Variants in SYNJ2 observed in about 807,000 individuals in gnomAD.
SYNJ2 encodes the protein polyphosphatidylinositol phosphatase SYNJ2.
Under a neutral mutation model 141.3 loss-of-function variants are expected in SYNJ2, and 116 were observed. The ratio of observed to expected loss-of-function variants is 0.82; its 90% CI spans 0.71 to 0.96. The LOEUF is 0.96. SYNJ2 is among the 40% of genes least tolerant of loss of function. SYNJ2 has a pLI of 0.00. For missense variants in SYNJ2, 1,873 were observed against 1,934.8 expected, an observed-to-expected ratio of 0.97 and a Z score of 0.60; for synonymous variants, 745 against 777.7, an observed-to-expected ratio of 0.96 and a Z score of 0.70.
At chr6:158,001,832 C>G (rs73014148) in intron 1 of SYNJ2, 9,728 of 152,390 alleles carry the variant, frequency 0.064, 487 homozygotes, top group South Asian at 0.22. Flanking sequence ...CCCGCAGTTT[C>G]CCCCTTTCCT....
At chr6:158,042,535 G>A (rs561326628) in intron 4 of SYNJ2, among the ~76,000 whole-genome samples, 6 of 152,362 alleles carry the variant, frequency 3.9e-5, no homozygotes, top group East Asian at 1.9e-4. Flanking sequence ...GATAAGTGTC[G>A]CCGCCTGCCC....
rs1177413758 is a variant in SYNJ2 at position 158,040,946 on chromosome 6, CCTT to C, written c.712-2365_712-2363del. Among the ~76,000 whole-genome samples, 2 of 152,326 alleles carry C rather than the reference CCTT, an allele frequency of 1.3e-5. No homozygotes were observed. The highest frequency in any genetic ancestry group is 2.1e-4 in the South Asian group (1 of 4,830). On this transcript the variant is annotated intron_variant, in intron 4 of 26. Transcript: ENST00000355585. The surrounding 1 kb of genome is among the most constrained non-coding windows in gnomAD (Gnocchi z 4.2). The stretch of plus-strand genomic sequence containing the variant: ...CTTGTCTGTTCCTTCTTGAATCCCT[CCTT>C]CTTCCCACGACCCAAGCTCTCTCCG...
rs375560899 is a variant in SYNJ2, at chr6:158,092,999, G to C, written c.3639G>C (p.Pro1213=). Residue 1213 remains proline (P), a synonymous_variant, in exon 26 of 27, where the codon CCG becomes CCC. Coordinates refer to ENST00000355585, the MANE Select transcript of SYNJ2 (RefSeq NM_003898.4). ...CATCCTCTGAACCAGAGCCCACACC[G>C]GGGGCAGCCAAACCAGAGACCCCAC... is the stretch of plus-strand genomic sequence containing the variant. ...LEASSEPEPT[P]GAAKPETPQA... is the part of the protein sequence containing the mutation. 4 of 1,612,380 alleles carry C rather than the reference G, an allele frequency of 2.5e-6. No homozygotes were observed. In the South Asian group the frequency reaches 4.4e-5, roughly 18 times the overall value.
In SYNJ2 at chr6:158,097,598, C is replaced by T. The variant is rs948564768; in HGVS notation, c.*1234C>T. ...GAGCCTCGTACAGAGGCTCGCACAG[C>T]AGTGATCAAGTGTCATCCCTTACGT... On this transcript the variant is annotated 3_prime_UTR_variant, in exon 27 of 27. Coordinates refer to ENST00000355585, the MANE Select transcript of SYNJ2 (RefSeq NM_003898.4). 6.6e-6 allele frequency: 1 copy of T among 152,172 alleles called. No homozygotes were observed. 9.4% of individuals were successfully genotyped at this position (152,172 alleles called of 1,614,324 possible). A position where few individuals can be genotyped will look rare whatever the true frequency, so the allele number is the denominator to read the frequency against.
intron 10 of SYNJ2, 37 bp downstream of exon 10, chr6:158,064,787 G>A (rs1451194036): frequency 6.2e-7 from 1 of 1,611,468 alleles, no homozygotes; most frequent in East Asian, 2.2e-5. Flanking sequence ...GGGGGCCCCA[G>A]GGACCCCCCT....
rs1427392857 is a variant in SYNJ2, at chr6:158,057,207, A to G, written c.858-2050A>G. Among the ~76,000 whole-genome samples the G allele has an allele frequency of 2.0e-5, 3 of 152,120 alleles. No individual in the cohort carries two copies. In the East Asian group the frequency reaches 5.8e-4, roughly 30 times the overall value. ...CCTGTTTTCCAAGTAGCTTCCTATGACAGTAACCCGTAGGCAGGGGAAGTG... is the reference window on the plus strand; with the variant it reads ...CCTGTTTTCCAAGTAGCTTCCTATGGCAGTAACCCGTAGGCAGGGGAAGTG... On this transcript the variant is annotated intron_variant, in intron 6 of 26. Coordinates refer to ENST00000355585, the MANE Select transcript of SYNJ2 (RefSeq NM_003898.4).
At chr6:158,029,301 C>T (rs1779234995) in intron 3 of SYNJ2, 2 of 299,484 alleles carry the variant, frequency 6.7e-6, no homozygotes, top group Admixed American at 4.3e-5. Context: ...GTAATCCCAG[C>T]ACTTTGGGAG....
intron 2 of SYNJ2, among the ~76,000 whole-genome samples, chr6:158,019,619 CCACCCCA>C (rs201235534): frequency 0.013 from 1,993 of 152,268 alleles, 26 homozygotes; most frequent in Admixed American, 0.05. Context: ...CCAGTCCCCG[CCACCCCA>C]CACCCCACAG....
At chr6:157,985,808 C>G (rs1296857995) in intron 1 of SYNJ2, among the ~76,000 whole-genome samples, 1 of 152,098 alleles carries the variant, frequency 6.6e-6, no homozygotes, top group Non-Finnish European at 1.5e-5. Context: ...TTGCTGTGAA[C>G]AGGCAGCAGG....
chr6:158,093,385 G>A (rs1293523372), intron 26 of SYNJ2, among the ~76,000 whole-genome samples: 4 of 145,848 alleles, frequency 2.7e-5, no homozygotes, highest in Admixed American at 7.4e-5. Context: ...GCAGTGAGCC[G>A]AAATCGTGCC....
At chr6:157,994,492 G>A (rs750790554) in intron 1 of SYNJ2, among the ~76,000 whole-genome samples, 31 of 152,226 alleles carry the variant, frequency 2.0e-4, no homozygotes, top group Admixed American at 1.9e-3. Flanking sequence ...CCTGAGCCAG[G>A]CCCTTGTAAC....
intron 6 of SYNJ2, among the ~76,000 whole-genome samples, chr6:158,055,475 T>C (rs553363704): frequency 1.3e-5 from 2 of 151,960 alleles, no homozygotes; most frequent in East Asian, 3.9e-4. Context: ...TTTTTACATG[T>C]CATTCTAGAA....
chr6:158,085,539 A>G (rs1006072307), intron 22 of SYNJ2, among the ~76,000 whole-genome samples: 1 of 152,192 alleles, frequency 6.6e-6, no homozygotes, highest in African/African-American at 2.4e-5. Flanking sequence ...CTGAGAGCAG[A>G]GAACAGGGCT....
chr6:158,017,397 T>A (rs987792818), intron 2 of SYNJ2, 107 bp downstream of exon 2: 161 of 877,056 alleles, frequency 1.8e-4, no homozygotes, highest in Non-Finnish European at 2.4e-4. Context: ...CGCTCTTCTC[T>A]CTCTCTTCTT....
intron 2 of SYNJ2, 157 bp from the exon 3 acceptor site, chr6:158,028,599 C>T (rs1727897046): frequency 3.1e-6 from 3 of 959,936 alleles, no homozygotes; most frequent in African/African-American, 1.6e-5. Flanking sequence ...AGGGCAGGTT[C>T]TTGAGCCATT....
chr6:158,023,148 C>T (rs539377709), intron 2 of SYNJ2, among the ~76,000 whole-genome samples: 1 of 151,852 alleles, frequency 6.6e-6, no homozygotes, highest in Admixed American at 6.6e-5. Context: ...GTCCCAGCTA[C>T]TTGGGAGGCT....
At chr6:158,083,122 C>T (rs1170386879) in intron 20 of SYNJ2, among the ~76,000 whole-genome samples, 1 of 152,024 alleles carries the variant, frequency 6.6e-6, no homozygotes, top group African/African-American at 2.4e-5. Context: ...TAGTACAGAT[C>T]GGGTTTCACC....
chr6:158,068,029 G>C, intron 12 of SYNJ2: 3 of 977,896 alleles, frequency 3.1e-6, no homozygotes, highest in Non-Finnish European at 3.6e-6. Flanking sequence ...GTAGACACTA[G>C]CAGGCTCCCC....
intron 5 of SYNJ2, among the ~76,000 whole-genome samples, chr6:158,053,790 C>T (rs1474026541): frequency 6.6e-6 from 1 of 151,050 alleles, no homozygotes; most frequent in Non-Finnish European, 1.5e-5. Flanking sequence ...CCCACTCACC[C>T]ACTTACCTAT....
Sources: gnomAD v4.1 joint callset for allele counts (sites outside exome capture counted in the v4.1 genomes callset) on GRCh38, gnomAD v4.1.1 for gene constraint, Gnocchi (gnomAD v3.1) non-coding constraint, MANE v1.5 for transcripts, NCBI Gene and HGNC (gene_info 2026-07-23, HGNC 2026-07-21) for gene names.